The following FAM13A variants were observed in gnomAD, a reference collection of about 807,000 sequenced individuals.
The protein encoded by FAM13A is protein FAM13A.
Under a neutral mutation model 129.6 loss-of-function variants are expected in FAM13A, and 76 were observed. The ratio of observed to expected loss-of-function variants is 0.59; its 90% confidence interval spans 0.49 to 0.71. The LOEUF is 0.71. Ranked by LOEUF, FAM13A falls within the 30% of genes least tolerant of loss-of-function variation. FAM13A has a pLI of 0.00. For synonymous variants in FAM13A, 443 were observed against 449.9 expected (o/e 0.98, Z 0.20); for missense variants, 1,108 against 1,249.3 (o/e 0.89, Z 1.70).
chr4:89,039,786 C>CG (rs936485383), intron 1 of FAM13A, among the ~76,000 whole-genome samples: 16 of 151,514 alleles, frequency 1.1e-4, no homozygotes, highest in African/African-American at 3.6e-4. Flanking sequence ...CCATCTCTAC[C>CG]AAAAAAAATT....
intron 3 of FAM13A, chr4:89,008,837 A>G (rs1420974773): frequency 3.3e-5 from 5 of 152,244 alleles, no homozygotes; most frequent in South Asian, 2.1e-4. Flanking sequence ...ATCTATTTAT[A>G]TCTACAATAT....
In FAM13A at chr4:88,852,719, A is replaced by T. The variant is rs188854727; in HGVS notation, c.844-1536T>A. Among the ~76,000 whole-genome samples the T allele has an allele frequency of 1.5e-3, 226 of 152,240 alleles. 2 individuals carry two copies. Among genetic ancestry groups the T allele is most frequent in the African/African-American group, 4.9e-3 (205 of 41,552 alleles). ...TAGCAAAGTTTTGGATCTATTAGTA[A>T]ATACTTATTGTGAGACAATCCACTT... On this transcript the variant is annotated intron_variant, in intron 6 of 23. Coordinates refer to ENST00000264344, the MANE Select transcript of FAM13A (RefSeq NM_014883.4).
chr4:88,883,102 T>G lies in FAM13A; in HGVS notation c.843+23277A>C, dbSNP rs1042994300. Among the ~76,000 whole-genome samples, 3 of 152,086 alleles carry G rather than the reference T, an allele frequency of 2.0e-5. No homozygotes were observed. In the East Asian group the frequency reaches 5.8e-4, roughly 29 times the overall value. ...TATTCCACTGACAGGACTAGACAGGTCATCAAGACAGAAAGTTAACAAAGA... is the reference window on the plus strand; with the variant it reads ...TATTCCACTGACAGGACTAGACAGGGCATCAAGACAGAAAGTTAACAAAGA... On this transcript the variant is annotated intron_variant, in intron 6 of 23. Coordinates refer to ENST00000264344, the MANE Select transcript of FAM13A (RefSeq NM_014883.4).
At chr4:88,892,436 C>T (rs535792775) in intron 6 of FAM13A, among the ~76,000 whole-genome samples, 422 of 152,250 alleles carry the variant, frequency 2.8e-3, no homozygotes, top group Non-Finnish European at 5.0e-3. Flanking sequence ...GCCTCGGCCT[C>T]CCAAAGTGCT....
intron 7 of FAM13A, among the ~76,000 whole-genome samples, chr4:88,841,493 CAAAAA>C (rs35396785): frequency 0.034 from 3,292 of 96,692 alleles, 81 homozygotes; most frequent in African/African-American, 0.11. Flanking sequence ...GACTCTGTCT[CAAAAA>C]AAAAAAAAAA....
At chr4:88,742,095 C>A (rs1740391506) in intron 19 of FAM13A, among the ~76,000 whole-genome samples, 1 of 152,116 alleles carries the variant, frequency 6.6e-6, no homozygotes, top group Non-Finnish European at 1.5e-5. Flanking sequence ...TAACCAAAGA[C>A]ATACTAAAAG....
chr4:88,909,930 C>T (rs1748798471), intron 5 of FAM13A, among the ~76,000 whole-genome samples: 2 of 152,164 alleles, frequency 1.3e-5, no homozygotes, highest in Non-Finnish European at 2.9e-5. Flanking sequence ...AAATTTTTTA[C>T]AAAGCCATGT....
chr4:88,866,417 A>G (rs1325546740), intron 6 of FAM13A, among the ~76,000 whole-genome samples: 2 of 152,106 alleles, frequency 1.3e-5, no homozygotes, highest in Non-Finnish European at 2.9e-5. Flanking sequence ...CCTGACCTCA[A>G]GTTCAGCCTG....
intron 6 of FAM13A, among the ~76,000 whole-genome samples, chr4:88,854,202 T>C (rs1738101161): frequency 1.3e-5 from 2 of 152,176 alleles, no homozygotes; most frequent in African/African-American, 4.8e-5. Flanking sequence ...ACTCCATGCT[T>C]TTATAAAACA....
chr4:88,799,321 A>G (rs1726934374), intron 8 of FAM13A, among the ~76,000 whole-genome samples: 1 of 152,236 alleles, frequency 6.6e-6, no homozygotes, highest in African/African-American at 2.4e-5. Flanking sequence ...GATGGCTATT[A>G]TTAGAAAAAC....
rs1735852521 is a variant in FAM13A at position 88,841,652 on chromosome 4, A to G, written c.1007+9368T>C. On this transcript the variant is annotated intron_variant, in intron 7 of 23. Transcript: ENST00000264344. ...AAGAAGATATAGTATTGGCCATTAA[A>G]CACATGAAAAGATGTTCAACATCAT... Among the ~76,000 whole-genome samples, 2 of 152,224 alleles carry G rather than the reference A, an allele frequency of 1.3e-5. 1 individual carries two copies. Among genetic ancestry groups the G allele is most frequent in the East Asian group, 3.8e-4 (2 of 5,204 alleles).
intron 1 of FAM13A, among the ~76,000 whole-genome samples, chr4:89,054,304 C>CAG (rs1553933071): frequency 1.3e-5 from 2 of 151,592 alleles, no homozygotes; most frequent in African/African-American, 2.4e-5. Context: ...CACAGACACA[C>CAG]ACACACACAC....
In FAM13A at chr4:88,731,343, A is replaced by G; in HGVS notation, c.2929T>C (p.Phe977Leu). The change falls in exon 23 of 24, where the codon TTC (phenylalanine) becomes CTC (leucine). Residue 977 changes from phenylalanine to leucine, a missense_variant. Phe to Leu is a conservative substitution (Grantham distance 22, BLOSUM62 0). Transcript: ENST00000264344. Reference sequence around the variant, plus strand: ...AGGCACTACCTTCCATTCTGTCTGAAAAAGTTGTCTTCAAAATCCCGAAGT... The same window carrying G: ...AGGCACTACCTTCCATTCTGTCTGAGAAAGTTGTCTTCAAAATCCCGAAGT... ...KKLRDFEDNFFRQNGRNVQKE... is the reference protein window; with the variant it reads ...KKLRDFEDNFLRQNGRNVQKE... 6.2e-7 allele frequency: 1 copy of G among 1,606,356 alleles called. No homozygotes were observed. The highest frequency in any genetic ancestry group is 8.5e-7 in the Non-Finnish European group (1 of 1,177,062).
At chr4:88,994,093 T>C (rs1409112462) in intron 3 of FAM13A, among the ~76,000 whole-genome samples, 3 of 152,162 alleles carry the variant, frequency 2.0e-5, no homozygotes, top group Non-Finnish European at 4.4e-5. Flanking sequence ...CCTCCTTCCA[T>C]TTCCACAGCA....
chr4:88,777,775 ATCT>A (rs1018609697), intron 11 of FAM13A, among the ~76,000 whole-genome samples: 30 of 152,068 alleles, frequency 2.0e-4, no homozygotes, highest in African/African-American at 5.8e-4. Context: ...CTCTCCTACC[ATCT>A]TCTCCTGAAA....
At chr4:88,842,140 G>A (rs1735945250) in intron 7 of FAM13A, among the ~76,000 whole-genome samples, 1 of 152,184 alleles carries the variant, frequency 6.6e-6, no homozygotes, top group African/African-American at 2.4e-5. Flanking sequence ...TATGCTAAGT[G>A]AAAGAAGAGA....
intron 19 of FAM13A, among the ~76,000 whole-genome samples, chr4:88,744,517 T>C (rs1248485540): frequency 1.3e-5 from 2 of 152,136 alleles, no homozygotes; most frequent in African/African-American, 4.8e-5. Flanking sequence ...TGGCCTAAGA[T>C]TTTAGTAGTT....
chr4:88,788,545 C>T (rs1724449934), intron 9 of FAM13A, among the ~76,000 whole-genome samples: 1 of 152,068 alleles, frequency 6.6e-6, no homozygotes, highest in Non-Finnish European at 1.5e-5. Context: ...CATGCAAACA[C>T]CCCAGAACAT....
At chr4:88,783,516 C>A (rs778111567) in intron 10 of FAM13A, among the ~76,000 whole-genome samples, 6 of 152,122 alleles carry the variant, frequency 3.9e-5, no homozygotes, top group Non-Finnish European at 7.4e-5. Flanking sequence ...CCAGGCTCTT[C>A]TCAAACTCCT....
Sources: allele counts gnomAD v4.1 joint callset (sites outside exome capture counted in the v4.1 genomes callset), GRCh38; gene constraint gnomAD v4.1.1; transcripts MANE v1.5; gene names NCBI Gene and HGNC (gene_info 2026-07-23, HGNC 2026-07-21).